The following TMEM117 variants were observed in gnomAD, a reference collection of about 807,000 sequenced individuals.
The protein encoded by TMEM117 is transmembrane protein 117.
TMEM117 carries 27 observed loss-of-function variants against 52.4 expected under a neutral mutation model. The ratio of observed to expected loss-of-function variants is 0.51; its 90% CI spans 0.38 to 0.71. The LOEUF (loss-of-function observed/expected upper bound fraction) is 0.71. Ranked by LOEUF, TMEM117 falls within the 30% of genes least tolerant of loss-of-function variation. TMEM117 has a pLI of 0.00. For missense variants in TMEM117, 556 were observed against 630.5 expected (o/e 0.88, Z 1.26); for synonymous variants, 215 against 206.3 (o/e 1.04, Z -0.36).
At chr12:44,299,782 T>C in intron 6 of TMEM117, 43 bp downstream of exon 6, 21 of 1,607,226 alleles carry the variant, frequency 1.3e-5, no homozygotes, top group Non-Finnish European at 1.6e-5. Flanking sequence ...CTGCATGCTC[T>C]GTTCCCAGTA....
chr12:43,796,926 TGAAAA>T, the TMEM117 span: 2 of 1,570,204 alleles, frequency 1.3e-6, no homozygotes, highest in Non-Finnish European at 1.7e-6. Context: ...TACATAGAAA[TGAAAA>T]GAAAAATTTA....
At chr12:44,049,882 A>C (rs1401475417) in intron 3 of TMEM117, among the ~76,000 whole-genome samples, 1 of 152,252 alleles carries the variant, frequency 6.6e-6, no homozygotes, top group Non-Finnish European at 1.5e-5. Flanking sequence ...ACCACTTTGC[A>C]AATAACAGCT....
downstream of TMEM117, among the ~76,000 whole-genome samples, chr12:44,390,982 G>A (rs1592737586): frequency 6.6e-6 from 1 of 152,182 alleles, no homozygotes; most frequent in South Asian, 2.1e-4. Flanking sequence ...ATTTTAAAAA[G>A]AGATGTGTAG....
At chr12:44,006,337 C>G (rs1203204850) in intron 3 of TMEM117, among the ~76,000 whole-genome samples, 1 of 152,140 alleles carries the variant, frequency 6.6e-6, no homozygotes. Context: ...TTCAGACATT[C>G]CCTTGCTACT....
chr12:44,375,677 T>C (rs563667007), intron 6 of TMEM117, among the ~76,000 whole-genome samples: 1 of 152,358 alleles, frequency 6.6e-6, no homozygotes, highest in South Asian at 2.1e-4. Context: ...TTTTTCATAT[T>C]CAAATTCTTT....
intron 3 of TMEM117, among the ~76,000 whole-genome samples, chr12:44,070,778 T>G (rs998977176): frequency 1.3e-5 from 2 of 152,218 alleles, no homozygotes; most frequent in Admixed American, 6.5e-5. Flanking sequence ...GTATGAGGCA[T>G]TACCAATTGC....
At chr12:44,385,096 G>A (rs993702082) in intron 7 of TMEM117, among the ~76,000 whole-genome samples, 5 of 152,132 alleles carry the variant, frequency 3.3e-5, no homozygotes, top group African/African-American at 1.2e-4. Context: ...GGTTAAACAG[G>A]TTACCCAAGG....
chr12:44,165,929 C>A (rs962593445), intron 4 of TMEM117, among the ~76,000 whole-genome samples: 2 of 152,160 alleles, frequency 1.3e-5, no homozygotes, highest in Non-Finnish European at 2.9e-5. Context: ...ATACATTCTT[C>A]TCATCAGCAC....
intron 3 of TMEM117, among the ~76,000 whole-genome samples, chr12:44,110,069 C>T (rs1345872673): frequency 7.1e-4 from 46 of 64,546 alleles, no homozygotes; most frequent in Admixed American, 1.1e-3. Context: ...TATCCTGAGA[C>T]TTTGCTGAAG....
At chr12:44,169,822 A>G (rs560020192) in intron 4 of TMEM117, among the ~76,000 whole-genome samples, 107 of 152,318 alleles carry the variant, frequency 7.0e-4, no homozygotes, top group African/African-American at 2.5e-3. Flanking sequence ...GTGGAGAAAT[A>G]GGAACACTTT....
At chr12:44,209,032 C>T (rs1345142203) in intron 4 of TMEM117, among the ~76,000 whole-genome samples, 2 of 151,936 alleles carry the variant, frequency 1.3e-5, no homozygotes, top group African/African-American at 2.4e-5. Context: ...TCTAATGCAA[C>T]AAGAAATATT....
chr12:44,374,539 C>G (rs1951911889), intron 6 of TMEM117, among the ~76,000 whole-genome samples: 1 of 151,884 alleles, frequency 6.6e-6, no homozygotes, highest in African/African-American at 2.4e-5. Context: ...TGTTCTTCCC[C>G]CTCTTTCCTT....
At chr12:44,273,284 G>A (rs1415637053) in intron 5 of TMEM117, among the ~76,000 whole-genome samples, 1 of 151,966 alleles carries the variant, frequency 6.6e-6, no homozygotes, top group African/African-American at 2.4e-5. Context: ...GTTAATGGGT[G>A]CAGCACACCA....
Position 44,340,682 on chromosome 12 carries a change from G to A in TMEM117, c.769-35913G>A, listed in dbSNP as rs139598411. 2.0e-4 allele frequency among the ~76,000 whole-genome samples: 31 copies of A among 152,184 alleles called. No individual in the cohort carries two copies. The East Asian group carries it at 5.6e-3, about 28-fold the overall frequency. Reference sequence around the variant, plus strand: ...ATCTAGTAGTTGCCTTTACAAGAAGGAGATGGAGCTGGAGGTTGTGGAGGA... The same window carrying A: ...ATCTAGTAGTTGCCTTTACAAGAAGAAGATGGAGCTGGAGGTTGTGGAGGA... On this transcript the variant is annotated intron_variant, in intron 6 of 7. Coordinates refer to ENST00000266534, the MANE Select transcript of TMEM117 (RefSeq NM_032256.3).
chr12:44,376,381 C>G (rs549098162), intron 6 of TMEM117: 4 of 624,350 alleles, frequency 6.4e-6, no homozygotes, highest in South Asian at 5.1e-5. Context: ...AAAAGAAAAT[C>G]TGAAGATATA....
intron 3 of TMEM117, among the ~76,000 whole-genome samples, chr12:44,136,430 A>C (rs1187370415): frequency 6.6e-6 from 1 of 152,136 alleles, no homozygotes; most frequent in Non-Finnish European, 1.5e-5. Context: ...AACCACACAA[A>C]ATCTGGGACT....
At chr12:43,906,633 T>C (rs982474559) in intron 2 of TMEM117, among the ~76,000 whole-genome samples, 4 of 152,136 alleles carry the variant, frequency 2.6e-5, no homozygotes, top group African/African-American at 7.2e-5. Context: ...GGTCAGTGGG[T>C]GCACGCACCA....
intron 3 of TMEM117, among the ~76,000 whole-genome samples, chr12:43,985,603 A>G (rs576903793): frequency 1.3e-5 from 2 of 152,324 alleles, no homozygotes; most frequent in East Asian, 1.9e-4. Flanking sequence ...ATGTTTGTGT[A>G]TGGAACATTG....
intron 6 of TMEM117, among the ~76,000 whole-genome samples, chr12:44,350,956 G>C (rs751777938): frequency 2.6e-5 from 4 of 151,996 alleles, no homozygotes; most frequent in Non-Finnish European, 4.4e-5. Context: ...CTCCATAGTG[G>C]TTGTACTACT....
Sources: allele counts gnomAD v4.1 joint callset (sites outside exome capture counted in the v4.1 genomes callset), GRCh38; gene constraint gnomAD v4.1.1; transcripts MANE v1.5; gene names NCBI Gene and HGNC (gene_info 2026-07-23, HGNC 2026-07-21).